The following FAM13C variants were observed in gnomAD, a reference collection of about 807,000 sequenced individuals.
FAM13C encodes the protein protein FAM13C.
FAM13C carries 37 observed loss-of-function variants against 73.2 expected under a neutral mutation model. The observed-to-expected ratio is 0.51, with a 90% CI of 0.39 to 0.67. FAM13C has a LOEUF of 0.67. Ranked by LOEUF, FAM13C falls within the 30% of genes least tolerant of loss-of-function variation. The pLI is 0.00. For synonymous variants in FAM13C, 246 were observed against 260.9 expected (o/e 0.94, Z 0.55); for missense variants, 589 against 715.6 (o/e 0.82, Z 2.02).
intron 5 of FAM13C, among the ~76,000 whole-genome samples, chr10:59,293,631 C>G (rs1478829466): frequency 6.6e-6 from 1 of 152,120 alleles, no homozygotes; most frequent in Non-Finnish European, 1.5e-5. Flanking sequence ...AAATTCAGCT[C>G]TTGTCTCTCT....
intron 3 of FAM13C, among the ~76,000 whole-genome samples, chr10:59,327,970 T>A (rs772337001): frequency 2.0e-5 from 3 of 152,212 alleles, no homozygotes; most frequent in Admixed American, 6.5e-5. Context: ...CTCTGCTCCA[T>A]GCTTGGTCTT....
chr10:59,293,312 G>A lies in FAM13C; in HGVS notation c.507+9489C>T, dbSNP rs548996407. 1.3e-3 allele frequency among the ~76,000 whole-genome samples: 199 copies of A among 151,908 alleles called. 1 individual carries two copies. Among genetic ancestry groups the A allele is most frequent in the African/African-American group, 4.6e-3 (190 of 41,468 alleles). ...TGGATGGTCTCGATCTCCTGACCTCGTGATCCACCCGCCTCGGCCTCCCAA... is the reference window on the plus strand; with the variant it reads ...TGGATGGTCTCGATCTCCTGACCTCATGATCCACCCGCCTCGGCCTCCCAA... On this transcript the variant is annotated intron_variant, in intron 5 of 13. Transcript: ENST00000618804.
At chr10:59,360,338 G>T (rs142173680) in intron 1 of FAM13C, among the ~76,000 whole-genome samples, 1 of 152,114 alleles carries the variant, frequency 6.6e-6, no homozygotes, top group African/African-American at 2.4e-5. Context: ...TTCAGGCATC[G>T]AAGAAAATAA....
At chr10:59,293,539 T>C (rs538278653) in intron 5 of FAM13C, among the ~76,000 whole-genome samples, 9 of 152,340 alleles carry the variant, frequency 5.9e-5, no homozygotes, top group Admixed American at 2.0e-4. Flanking sequence ...CCATTGTATA[T>C]AAGTACCATA....
At chr10:59,302,959 A>T (rs1380471592) in intron 4 of FAM13C, 95 bp from the exon 5 acceptor site, 1 of 1,086,706 alleles carries the variant, frequency 9.2e-7, no homozygotes, top group Non-Finnish European at 1.4e-6. Flanking sequence ...TGTACCCCTG[A>T]TAAAAACCCT....
intron 5 of FAM13C, among the ~76,000 whole-genome samples, chr10:59,295,083 C>T (rs543311480): frequency 6.6e-5 from 10 of 152,294 alleles, no homozygotes; most frequent in African/African-American, 2.2e-4. Flanking sequence ...ATGCCCCAAG[C>T]CAGATAAATC....
intron 5 of FAM13C, chr10:59,297,320 G>C (rs1458123244): frequency 6.6e-6 from 1 of 152,154 alleles, no homozygotes; most frequent in Non-Finnish European, 1.5e-5. Context: ...GTAACAATGT[G>C]ACTGAAATTT....
chr10:59,253,191 T>A (rs974555370), intron 11 of FAM13C, among the ~76,000 whole-genome samples, 193 bp from the exon 12 acceptor site: 1 of 152,186 alleles, frequency 6.6e-6, no homozygotes, highest in African/African-American at 2.4e-5. Flanking sequence ...CAGAAGTTAA[T>A]GAGCAAAAAG....
chr10:59,270,167 A>C, intron 6 of FAM13C, 58 bp from the exon 7 acceptor site: 1 of 1,515,226 alleles, frequency 6.6e-7, no homozygotes, highest in South Asian at 1.2e-5. Context: ...TGAGACTGTC[A>C]TGTTCCTAAA....
At chr10:59,349,907 A>G (rs573448507) in intron 3 of FAM13C, among the ~76,000 whole-genome samples, 2 of 152,356 alleles carry the variant, frequency 1.3e-5, no homozygotes, top group South Asian at 2.1e-4. Flanking sequence ...ATTCACAACA[A>G]TTTAGTAGAT....
chr10:59,248,189 A>C (rs560748809), intron 13 of FAM13C, among the ~76,000 whole-genome samples: 1 of 152,182 alleles, frequency 6.6e-6, no homozygotes, highest in East Asian at 1.9e-4. Context: ...ACATAAACCT[A>C]TGGTAACAAG....
chr10:59,317,154 GTA>G (rs1491075536), intron 4 of FAM13C, among the ~76,000 whole-genome samples: 8 of 144,584 alleles, frequency 5.5e-5, no homozygotes, highest in Non-Finnish European at 1.1e-4. Flanking sequence ...GTGTGTGTGT[GTA>G]GTATTTAATG....
chr10:59,355,345 A>C (rs939843479), intron 2 of FAM13C, among the ~76,000 whole-genome samples: 1 of 152,202 alleles, frequency 6.6e-6, no homozygotes, highest in Non-Finnish European at 1.5e-5. Flanking sequence ...ATTCTGCCTC[A>C]TAGTGCTACG....
At chr10:59,275,636 A>G (rs1008543178) in intron 6 of FAM13C, among the ~76,000 whole-genome samples, 1 of 152,144 alleles carries the variant, frequency 6.6e-6, no homozygotes. Flanking sequence ...GTCTATTAAT[A>G]TTTTTTGTAA....
At position 59,268,685 on chromosome 10, in the gene FAM13C, C is replaced by A; in HGVS notation, c.810G>T (p.Arg270=). The change falls in exon 8 of 14, where the codon CGG becomes CGT. Residue 270 remains arginine (R), a synonymous_variant. Transcript: ENST00000618804. The part of the protein sequence containing the change: ...PPSTQQFMMP[R]SSSRCSCGDG... ...CTCCACAGCTGCAGCGTGAAGAACT[C>A]CGCGGCCTGCAGTGATTACAAGGAG... The A allele has an allele frequency of 6.2e-7, 1 of 1,611,982 alleles. No individual in the cohort carries two copies. Among genetic ancestry groups the A allele is most frequent in the East Asian group, 2.2e-5 (1 of 44,810 alleles).
At chr10:59,306,740 C>T (rs1405705084) in intron 4 of FAM13C, among the ~76,000 whole-genome samples, 7 of 152,100 alleles carry the variant, frequency 4.6e-5, no homozygotes, top group East Asian at 3.9e-4. Flanking sequence ...CCAGGTATGG[C>T]GGTGTGCACC....
Position 59,283,347 on chromosome 10 carries a change from C to T in FAM13C, c.592+16G>A. 1.2e-6 allele frequency: 2 copies of T among 1,613,646 alleles called. No homozygotes were observed. The highest frequency in any genetic ancestry group is 2.2e-5 in the South Asian group (2 of 91,066). On this transcript the variant is annotated intron_variant, in intron 6 of 13. Transcript: ENST00000618804. ...TGAGAGTACAATTTGGGACAACCCC[C>T]AGCCCTGTATCTTACCTGCAGAATC...
At chr10:59,350,852 CCTATTACACTT>C in intron 3 of FAM13C, among the ~76,000 whole-genome samples, 1 of 152,238 alleles carries the variant, frequency 6.6e-6, no homozygotes, top group East Asian at 1.9e-4. Context: ...ACAAAATTAA[CCTATTACACTT>C]AAAGCCTCCC....
At chr10:59,326,635 A>G (rs1461453769) in intron 3 of FAM13C, among the ~76,000 whole-genome samples, 1 of 152,298 alleles carries the variant, frequency 6.6e-6, no homozygotes, top group African/African-American at 2.4e-5. Context: ...AAGAAAAGGA[A>G]TAAAGATTTT....
Sources: gnomAD v4.1 joint callset for allele counts (sites outside exome capture counted in the v4.1 genomes callset) on GRCh38, gnomAD v4.1.1 for gene constraint, MANE v1.5 for transcripts, NCBI Gene and HGNC (gene_info 2026-07-23, HGNC 2026-07-21) for gene names.